The following PLBD1 variants were observed in gnomAD, a reference collection of about 807,000 sequenced individuals.
The protein encoded by PLBD1 is phospholipase B domain containing 1.
PLBD1 carries 60 observed loss-of-function variants against 63.0 expected under a neutral mutation model. That is an observed-to-expected ratio of 0.95 (90% CI 0.77 to 1.18). The LOEUF is 1.18. PLBD1 is among the 50% of genes most tolerant of loss of function. PLBD1 has a pLI of 0.00. For missense variants in PLBD1, 598 were observed against 677.9 expected, an observed-to-expected ratio of 0.88 and a Z score of 1.31; for synonymous variants, 262 against 248.0, an observed-to-expected ratio of 1.06 and a Z score of -0.53.
chr12:14,540,047 TATATATAC>T (rs1565577597), intron 4 of PLBD1, among the ~76,000 whole-genome samples: 2 of 48,072 alleles, frequency 4.2e-5, no homozygotes, highest in African/African-American at 1.1e-4. Context: ...TATATATATA[TATATATAC>T]ACACACACAC....
At chr12:14,542,906 G>T (rs1394930016) in intron 2 of PLBD1, among the ~76,000 whole-genome samples, 1 of 152,138 alleles carries the variant, frequency 6.6e-6, no homozygotes, top group African/African-American at 2.4e-5. Context: ...AATTAGCCAG[G>T]CGTGGTGGCG....
intron 2 of PLBD1, among the ~76,000 whole-genome samples, chr12:14,547,115 G>A (rs112841172): frequency 0.013 from 1,924 of 151,852 alleles, 56 homozygotes; most frequent in African/African-American, 0.044. Context: ...CCCGACCTCA[G>A]GTGATCCGCC....
At chr12:14,536,495 G>A in intron 5 of PLBD1, 75 bp downstream of exon 5, 1 of 1,501,864 alleles carries the variant, frequency 6.7e-7, no homozygotes, top group Admixed American at 1.9e-5. Context: ...GTGATGAGAT[G>A]TTGCTATACT....
intron 1 of PLBD1, among the ~76,000 whole-genome samples, chr12:14,560,269 A>G (rs1173757457): frequency 6.6e-6 from 1 of 152,196 alleles, no homozygotes; most frequent in Non-Finnish European, 1.5e-5. Context: ...ATTCTCTCCC[A>G]TATTTGGATT....
At position 14,553,376 on chromosome 12, in the gene PLBD1, T is replaced by C; in HGVS notation, c.152A>G (p.Glu51Gly). 1.2e-6 allele frequency: 2 copies of C among 1,614,198 alleles called. No individual in the cohort carries two copies. Among genetic ancestry groups the C allele is most frequent in the South Asian group, 2.2e-5 (2 of 91,080 alleles). ...TACATTTTTGACTTGTACTGTCTTTTCAGCAGGCATCCAGTATGCAGTTGC... is the reference window on the plus strand; with the variant it reads ...TACATTTTTGACTTGTACTGTCTTTCCAGCAGGCATCCAGTATGCAGTTGC... ...YYATAYWMPAEKTVQVKNVMD... is the reference protein window; with the variant it reads ...YYATAYWMPAGKTVQVKNVMD... The change falls in exon 2 of 11, where the codon GAA (glutamate) becomes GGA (glycine). Residue 51 changes from glutamate (E) to glycine (G), a missense_variant. Glu to Gly is a moderately conservative substitution (Grantham distance 98, BLOSUM62 -2). Coordinates refer to ENST00000240617, the MANE Select transcript of PLBD1 (RefSeq NM_024829.6).
At chr12:14,562,870 G>A (rs918460738) in intron 1 of PLBD1, among the ~76,000 whole-genome samples, 1 of 152,046 alleles carries the variant, frequency 6.6e-6, no homozygotes, top group Non-Finnish European at 1.5e-5. Context: ...AAAAGCAAAG[G>A]ATAACAAGTG....
At chr12:14,555,215 G>A (rs559874810) in intron 1 of PLBD1, among the ~76,000 whole-genome samples, 32 of 152,134 alleles carry the variant, frequency 2.1e-4, no homozygotes, top group Non-Finnish European at 4.1e-4. Flanking sequence ...TAGCTTGCCG[G>A]CTAAGAATGT....
At chr12:14,522,599 CA>C (rs1945385161) in intron 6 of PLBD1, among the ~76,000 whole-genome samples, 1 of 151,900 alleles carries the variant, frequency 6.6e-6, no homozygotes, top group Non-Finnish European at 1.5e-5. Flanking sequence ...AACCTAGATA[CA>C]AAACTCCTCA....
chr12:14,549,757 C>A (rs1945642088), intron 2 of PLBD1, among the ~76,000 whole-genome samples: 1 of 152,166 alleles, frequency 6.6e-6, no homozygotes, highest in Admixed American at 6.5e-5. Flanking sequence ...CAACCTCCGC[C>A]TCCTGGTTGG....
intron 3 of PLBD1, 46 bp from the exon 4 acceptor site, chr12:14,540,948 T>C: frequency 6.6e-7 from 1 of 1,520,050 alleles, no homozygotes; most frequent in Non-Finnish European, 8.9e-7. Context: ...TAGTTGCTCA[T>C]TCAAAGCTAA....
At chr12:14,506,369 A>C in intron 9 of PLBD1, 101 bp from the exon 10 acceptor site, 1 of 820,716 alleles carries the variant, frequency 1.2e-6, no homozygotes, top group East Asian at 2.7e-5. Context: ...ATAATCAGAG[A>C]GTGTACTCCC....
intron 2 of PLBD1, among the ~76,000 whole-genome samples, chr12:14,543,485 G>A (rs1353175308): frequency 6.6e-6 from 1 of 152,206 alleles, no homozygotes; most frequent in African/African-American, 2.4e-5. Context: ...TTGGGAGGCT[G>A]AGGTGGGCAG....
Position 14,507,088 on chromosome 12 carries a change from T to C in PLBD1, c.1217A>G (p.His406Arg), listed in dbSNP as rs1945262447. The C allele has an allele frequency of 7.4e-6, 12 of 1,612,120 alleles. No homozygotes were observed. Among genetic ancestry groups the C allele is most frequent in the African/African-American group, 1.3e-5 (1 of 74,812 alleles). Residue 406 changes from histidine to arginine, a missense_variant, in exon 9 of 11, where the codon CAT becomes CGT. By Grantham distance (29) the His-to-Arg change is conservative. Coordinates refer to ENST00000240617, the MANE Select transcript of PLBD1 (RefSeq NM_024829.6). Reference protein sequence around the residue: ...GYWPSYNVPFHEKIYNWSGYP... With the variant: ...GYWPSYNVPFREKIYNWSGYP... ...GCCACTCCAGTTGTAGATTTTTTCA[T>C]GGAAAGGAACATTGTAGGAGGGCCA...
Position 14,567,599 on chromosome 12 carries a change from T to A in PLBD1, c.98A>T (p.Glu33Val). 6.7e-7 allele frequency: 1 copy of A among 1,500,650 alleles called. No homozygotes were observed. The highest frequency in any genetic ancestry group is 8.8e-7 in the Non-Finnish European group (1 of 1,133,110). 93.0% of individuals were successfully genotyped at this position (1,500,650 alleles called of 1,614,324 possible). ...CTGCTCACCTGCAGGTTTCGGCGGCTCCGCGGTGACTAACAACAGCGGCAG... is the reference window on the plus strand; with the variant it reads ...CTGCTCACCTGCAGGTTTCGGCGGCACCGCGGTGACTAACAACAGCGGCAG... ...LLLPLLLVTA[E>V]PPKPAGVYYA... The change falls in exon 1 of 11, where the codon GAG (glutamate) becomes GTG (valine). Residue 33 changes from glutamate to valine, a missense_variant. By Grantham distance (121) the Glu-to-Val change is moderately radical. Transcript: ENST00000240617.
intron 6 of PLBD1, among the ~76,000 whole-genome samples, chr12:14,522,767 G>A (rs1004767603): frequency 1.3e-5 from 2 of 151,948 alleles, no homozygotes; most frequent in African/African-American, 4.8e-5. Flanking sequence ...CCCATGAAGG[G>A]ATGTTGAATC....
intron 2 of PLBD1, among the ~76,000 whole-genome samples, chr12:14,549,685 T>C (rs1945641627): frequency 6.6e-6 from 1 of 152,102 alleles, no homozygotes; most frequent in African/African-American, 2.4e-5. Context: ...GGTTTTTTTT[T>C]GAGATGGAGT....
At chr12:14,528,321 T>C (rs538846209) in intron 6 of PLBD1, among the ~76,000 whole-genome samples, 27 of 152,260 alleles carry the variant, frequency 1.8e-4, no homozygotes, top group Admixed American at 6.5e-4. Flanking sequence ...TGAGATAGAC[T>C]CATGCTGAGC....
Position 14,540,120 on chromosome 12 carries a change from A to ATAATATAAATATATATAT in PLBD1, c.558+643_558+644insATATATATATTTATATTA, listed in dbSNP as rs1945559925. 1.5e-5 allele frequency among the ~76,000 whole-genome samples: 2 copies of ATAATATAAATATATATAT among 135,034 alleles called. 1 individual carries two copies. The highest frequency in any genetic ancestry group is 3.2e-5 in the Non-Finnish European group (2 of 63,144). 88.6% of individuals were successfully genotyped at this position (135,034 alleles called of 152,430 possible). On this transcript the variant is annotated intron_variant, in intron 4 of 10. Transcript: ENST00000240617. ...TAATATAAATATTATTTATATATAT[A>ATAATATAAATATATATAT]TATATATATATACTGGCAAAATAGA...
In PLBD1 at chr12:14,564,823, T is replaced by C. The variant is rs116373394; in HGVS notation, c.115+2759A>G. ...CTCAGCAGCCAACCCTAAAAGAATG[T>C]CTGCAGAGTTAAAGGATCAACTGAA... is the stretch of plus-strand genomic sequence containing the variant. On this transcript the variant is annotated intron_variant, in intron 1 of 10. Coordinates refer to ENST00000240617, the MANE Select transcript of PLBD1 (RefSeq NM_024829.6). 3.3e-3 allele frequency among the ~76,000 whole-genome samples: 502 copies of C among 152,266 alleles called. 3 individuals carry two copies. The highest frequency in any genetic ancestry group is 0.012 in the African/African-American group (490 of 41,552).
Sources: gnomAD v4.1 joint callset for allele counts (sites outside exome capture counted in the v4.1 genomes callset) on GRCh38, gnomAD v4.1.1 for gene constraint, MANE v1.5 for transcripts, NCBI Gene and HGNC (gene_info 2026-07-23, HGNC 2026-07-21) for gene names.